FGD1: variants seen among roughly 807,000 people sequenced by gnomAD.
FGD1 encodes FYVE, RhoGEF and PH domain-containing protein 1.
A neutral mutation model predicts 65.0 loss-of-function variants in FGD1; 12 were observed. The observed-to-expected ratio is 0.18, with a 90% CI of 0.12 to 0.30. FGD1 has a LOEUF of 0.30. FGD1 is among the 10% of genes least tolerant of loss of function. The pLI is 1.00. For synonymous variants in FGD1, 333 were observed against 343.9 expected (o/e 0.97, Z 0.35); for missense variants, 542 against 837.6 (o/e 0.65, Z 4.36).
At chrX:54,465,913 C>T in intron 6 of FGD1, 61 bp from the exon 7 acceptor site, 1 of 1,146,225 alleles carries the variant, frequency 8.7e-7, no homozygotes, top group South Asian at 1.8e-5. Flanking sequence ...AAACTTCCCC[C>T]ACAAGTTTCC....
At chrX:54,456,439 C>T in intron 9 of FGD1, 70 bp downstream of exon 9, 1 of 1,206,547 alleles carries the variant, frequency 8.3e-7, no homozygotes, top group Non-Finnish European at 1.1e-6. Context: ...AGTCACGACA[C>T]CCCCACTCCA....
chrX:54,468,751 G>T, intron 5 of FGD1, 36 bp downstream of exon 5: 1 of 1,030,946 alleles, frequency 9.7e-7, no homozygotes, highest in Non-Finnish European at 1.4e-6. Context: ...CACCTACAAG[G>T]TCCTGGGGCC....
In FGD1 at chrX:54,495,450, G is replaced by C; in HGVS notation, c.-18C>G. The C allele has an allele frequency of 1.0e-6, 1 of 965,378 alleles. No individual in the cohort carries two copies. The highest frequency in any genetic ancestry group is 2.0e-5 in the African/African-American group (1 of 48,858). The allele number at this position is 965,378 out of a possible 1,213,427, so 79.6% of individuals were successfully genotyped here. A position where few individuals can be genotyped will look rare whatever the true frequency, so the allele number is the denominator to read the frequency against. ...CCATGCATGGTCCGGGCCTGGGCGC[G>C]GGGCCCGAGCTCCCCGCTTGGCTCC... On this transcript the variant is annotated 5_prime_UTR_variant, in exon 1 of 18. Transcript: ENST00000375135.
intron 16 of FGD1, 117 bp from the exon 17 acceptor site, chrX:54,447,571 G>A: frequency 1.3e-6 from 1 of 783,050 alleles, no homozygotes; most frequent in Non-Finnish European, 1.9e-6. Context: ...AGACGCTCAA[G>A]CTCAGGTGGC....
At chrX:54,490,818 T>C (rs1365851704) in intron 1 of FGD1, among the ~76,000 whole-genome samples, 4 of 111,181 alleles carry the variant, frequency 3.6e-5, no homozygotes, top group Non-Finnish European at 7.5e-5. Context: ...TCTCAGCCTC[T>C]ACATCCAAGC....
intron 15 of FGD1, 46 bp from the exon 16 acceptor site, chrX:54,449,013 C>T (rs1461042819): frequency 5.0e-6 from 6 of 1,202,262 alleles, no homozygotes; most frequent in Non-Finnish European, 6.8e-6. Context: ...AGCGGGTCTT[C>T]CCTTCAGCAT....
intron 1 of FGD1, among the ~76,000 whole-genome samples, chrX:54,494,637 C>A (rs1923486924): frequency 9.1e-6 from 1 of 109,931 alleles, no homozygotes. Flanking sequence ...AGTTTCCTTC[C>A]CTACAAAATG....
intron 8 of FGD1, among the ~76,000 whole-genome samples, chrX:54,460,696 G>A (rs1201105129): frequency 8.0e-5 from 9 of 112,111 alleles, no homozygotes; most frequent in East Asian, 2.8e-4. Context: ...AGCGGAGATC[G>A]CGCCACTGCA....
intron 8 of FGD1, 29 bp downstream of exon 8, chrX:54,465,422 T>C: frequency 8.4e-7 from 1 of 1,193,508 alleles, no homozygotes; most frequent in Non-Finnish European, 1.1e-6. Context: ...TGTGGAGAAG[T>C]AGGAAGGGGC....
chrX:54,482,229 C>G (rs1040625021), intron 1 of FGD1, among the ~76,000 whole-genome samples: 2 of 95,164 alleles, frequency 2.1e-5, no homozygotes, highest in Non-Finnish European at 3.9e-5. Flanking sequence ...TGCGCGCGCA[C>G]ACGCGCGCAC....
intron 1 of FGD1, among the ~76,000 whole-genome samples, chrX:54,489,642 C>T (rs1396985193): frequency 9.0e-6 from 1 of 111,383 alleles, no homozygotes; most frequent in Non-Finnish European, 1.9e-5. Context: ...CAATGAGATA[C>T]CATTTCACAC....
Position 54,470,399 on chromosome X carries a change from C to T in FGD1, c.718G>A (p.Glu240Lys). 8.3e-7 allele frequency: 1 copy of T among 1,208,973 alleles called. No homozygotes were observed. Among genetic ancestry groups the T allele is most frequent in the Non-Finnish European group, 1.1e-6 (1 of 895,052 alleles). ...PVPGPSPGPP[E>K]PVMLPQPTSQ... ...GTTGGCTGTGGCAACATGACTGGCT[C>T]TGGGGGACCTGGGCTGGGGCCAGGG... Residue 240 changes from glutamate to lysine, a missense_variant, in exon 4 of 18, where the codon GAG becomes AAG. Glu to Lys is a moderately conservative substitution (Grantham distance 56, BLOSUM62 1). Around this residue, in one of 6 missense-constraint regions of FGD1, gnomAD observed 297 missense variants for 326.8 expected, o/e 0.91. Coordinates refer to ENST00000375135, the MANE Select transcript of FGD1 (RefSeq NM_004463.3).
At chrX:54,464,165 C>T (rs1258715023) in intron 8 of FGD1, among the ~76,000 whole-genome samples, 1 of 87,778 alleles carries the variant, frequency 1.1e-5, no homozygotes, top group African/African-American at 4.5e-5. Flanking sequence ...AGGAGTCTCG[C>T]TCTGTTGCCC....
chrX:54,469,710 A>G (rs989560543), intron 4 of FGD1, among the ~76,000 whole-genome samples: 1 of 111,983 alleles, frequency 8.9e-6, no homozygotes, highest in East Asian at 2.8e-4. Context: ...GGGCACAGAA[A>G]GGGGTCTCTG....
At chrX:54,464,003 C>G (rs373808653) in intron 8 of FGD1, among the ~76,000 whole-genome samples, 68 of 110,897 alleles carry the variant, frequency 6.1e-4, no homozygotes, top group African/African-American at 2.2e-3. Context: ...GCTCTGTCAC[C>G]CAGGCTGGAG....
At chrX:54,491,909 T>C (rs1232696056) in intron 1 of FGD1, among the ~76,000 whole-genome samples, 2 of 108,114 alleles carry the variant, frequency 1.8e-5, no homozygotes, top group African/African-American at 3.4e-5. Flanking sequence ...CTTGCCCCCC[T>C]CAACTGGCTC....
At chrX:54,452,788 TG>T (rs1277506701) in intron 12 of FGD1, among the ~76,000 whole-genome samples, 1 of 110,111 alleles carries the variant, frequency 9.1e-6, no homozygotes, top group African/African-American at 3.3e-5. Context: ...TAAAATCACC[TG>T]GGGGGCTTTT....
At chrX:54,487,929 G>A (rs1024440928) in intron 1 of FGD1, among the ~76,000 whole-genome samples, 13 of 97,505 alleles carry the variant, frequency 1.3e-4, no homozygotes, top group African/African-American at 3.8e-4. Context: ...CAGCCTGGGC[G>A]ACAGAGTGAC....
intron 1 of FGD1, among the ~76,000 whole-genome samples, chrX:54,487,960 C>A (rs1466623359): frequency 2.0e-5 from 2 of 100,476 alleles, no homozygotes; most frequent in Non-Finnish European, 4.0e-5. Context: ...AAAAAACCAA[C>A]CAAACAAACA....
Sources: allele counts gnomAD v4.1 joint callset (sites outside exome capture counted in the v4.1 genomes callset), GRCh38; gene constraint gnomAD v4.1.1; regional missense constraint gnomAD v4.1.1; transcripts MANE v1.5; gene names NCBI Gene and HGNC (gene_info 2026-07-23, HGNC 2026-07-21).